Variants in GRM5 observed in about 807,000 individuals in gnomAD.
GRM5 encodes metabotropic glutamate receptor 5.
Under a neutral mutation model 83.1 loss-of-function variants are expected in GRM5, and 19 were observed. That is an observed-to-expected ratio of 0.23 (90% CI 0.16 to 0.34). The LOEUF (loss-of-function observed/expected upper bound fraction) is 0.34. GRM5 is among the 10% of genes least tolerant of loss of function. The pLI is 1.00. For missense variants in GRM5, 1,160 were observed against 1,588.3 expected (o/e 0.73, Z 4.58); for synonymous variants, 675 against 633.6 (o/e 1.07, Z -0.98).
chr11:88,511,736 A>C (rs1255242360), intron 9 of GRM5: 1 of 152,220 alleles, frequency 6.6e-6, no homozygotes, highest in East Asian at 1.9e-4. Flanking sequence ...CGTGTATTAC[A>C]ATTCTTTTTC....
At chr11:89,012,040 G>A (rs1461304580) in intron 2 of GRM5, among the ~76,000 whole-genome samples, 9 of 151,826 alleles carry the variant, frequency 5.9e-5, no homozygotes, top group Admixed American at 1.3e-4. Flanking sequence ...ATAGGCTAAT[G>A]GATACATTTT....
At chr11:89,059,490 G>T (rs977873718) in intron 1 of GRM5, among the ~76,000 whole-genome samples, 1 of 152,100 alleles carries the variant, frequency 6.6e-6, no homozygotes, top group African/African-American at 2.4e-5. Flanking sequence ...TAAGCTGTAG[G>T]TCAGTATCAT....
At chr11:88,959,569 T>C (rs1379000335) in intron 2 of GRM5, among the ~76,000 whole-genome samples, 1 of 152,192 alleles carries the variant, frequency 6.6e-6, no homozygotes, top group Non-Finnish European at 1.5e-5. Context: ...GATAAAAATA[T>C]ACTAATCATC....
chr11:88,730,474 T>A (rs1941782523), intron 3 of GRM5, among the ~76,000 whole-genome samples: 1 of 152,094 alleles, frequency 6.6e-6, no homozygotes, highest in African/African-American at 2.4e-5. Flanking sequence ...TCCTCAAGGA[T>A]CTAGTGCCAG....
chr11:88,974,797 T>A (rs1428514546), intron 2 of GRM5, among the ~76,000 whole-genome samples: 1 of 152,170 alleles, frequency 6.6e-6, no homozygotes, highest in East Asian at 1.9e-4. Flanking sequence ...ATGTCTTCTC[T>A]CTCACCCCAT....
At chr11:88,772,433 C>CTTTATTTATT (rs1565223583) in intron 3 of GRM5, among the ~76,000 whole-genome samples, 2 of 151,022 alleles carry the variant, frequency 1.3e-5, no homozygotes, top group Non-Finnish European at 3.0e-5. Flanking sequence ...CTATCTGGCC[C>CTTTATTTATT]TTTATTTATT....
At chr11:88,679,866 T>G (rs1032958757) in intron 3 of GRM5, among the ~76,000 whole-genome samples, 1 of 152,192 alleles carries the variant, frequency 6.6e-6, no homozygotes, top group Non-Finnish European at 1.5e-5. Context: ...ATTCTATTTA[T>G]GAATACACTT....
chr11:89,035,137 CAG>C (rs1174604548), intron 2 of GRM5, among the ~76,000 whole-genome samples: 3 of 151,414 alleles, frequency 2.0e-5, no homozygotes, highest in African/African-American at 7.3e-5. Context: ...ATAATATAAC[CAG>C]AGAGTATAAT....
At chr11:88,632,643 T>G (rs1939007855) in intron 4 of GRM5, among the ~76,000 whole-genome samples, 1 of 152,236 alleles carries the variant, frequency 6.6e-6, no homozygotes, top group Non-Finnish European at 1.5e-5. Context: ...TTTAGGTTTT[T>G]TGGCGTTTGA....
At chr11:88,842,797 G>T (rs1391954) in intron 3 of GRM5, among the ~76,000 whole-genome samples, 69,000 of 151,842 alleles carry the variant, frequency 0.45, 15,981 homozygotes, top group East Asian at 0.56. Context: ...ATCCTGATGA[G>T]TCTCTCAATT....
At chr11:88,643,737 C>A (rs1466534247) in intron 4 of GRM5, among the ~76,000 whole-genome samples, 1 of 145,650 alleles carries the variant, frequency 6.9e-6, no homozygotes, top group African/African-American at 2.5e-5. Flanking sequence ...TACTCTCTCC[C>A]AAGCAATTCT....
At position 89,038,720 on chromosome 11, in the gene GRM5, A is replaced by C. The variant is rs1941453758; in HGVS notation, c.661+8492T>G. Among the ~76,000 whole-genome samples, 3 of 152,338 alleles carry C rather than the reference A, an allele frequency of 2.0e-5. No individual in the cohort carries two copies. The South Asian group carries it at 6.2e-4, about 32-fold the overall frequency. On this transcript the variant is annotated intron_variant, in intron 2 of 9. Coordinates refer to ENST00000305447, the MANE Select transcript of GRM5 (RefSeq NM_001143831.3). ...AGATACTCTCAGTGGAGAAACAAGT[A>C]GGGTTTTTTGTTTCCCAGGGAAGGA... is the stretch of plus-strand genomic sequence containing the variant.
At chr11:88,856,672 C>T (rs887110482) in intron 2 of GRM5, among the ~76,000 whole-genome samples, 6 of 151,786 alleles carry the variant, frequency 4.0e-5, no homozygotes, top group South Asian at 4.1e-4. Context: ...ATTGTATGTG[C>T]GGTATCTTTG....
At chr11:88,854,643 G>T (rs2850434) in intron 2 of GRM5, among the ~76,000 whole-genome samples, 2 of 151,930 alleles carry the variant, frequency 1.3e-5, no homozygotes, top group Non-Finnish European at 2.9e-5. Context: ...GAAGAGGTCA[G>T]GAAGGGAGTA....
intron 3 of GRM5, among the ~76,000 whole-genome samples, chr11:88,747,039 A>T (rs1178900810): frequency 6.6e-6 from 1 of 152,208 alleles, no homozygotes; most frequent in Non-Finnish European, 1.5e-5. Context: ...TACTGTGAGT[A>T]TAATATTGTC....
At chr11:89,018,221 T>C (rs1940904998) in intron 2 of GRM5, among the ~76,000 whole-genome samples, 1 of 152,140 alleles carries the variant, frequency 6.6e-6, no homozygotes, top group Non-Finnish European at 1.5e-5. Context: ...ACATGTAGTG[T>C]CTATAGGCCA....
intron 2 of GRM5, among the ~76,000 whole-genome samples, chr11:89,028,505 A>G (rs1256002210): frequency 6.6e-6 from 1 of 152,194 alleles, no homozygotes; most frequent in African/African-American, 2.4e-5. Context: ...CTGAGACAGG[A>G]AGATCACTTG....
At chr11:88,817,681 T>A (rs1172971661) in intron 3 of GRM5, among the ~76,000 whole-genome samples, 1 of 152,118 alleles carries the variant, frequency 6.6e-6, no homozygotes, top group Non-Finnish European at 1.5e-5. Context: ...ATAATAACAC[T>A]GAGTTATTTA....
chr11:88,754,121 A>G (rs947834292), intron 3 of GRM5, among the ~76,000 whole-genome samples: 5 of 152,318 alleles, frequency 3.3e-5, no homozygotes, highest in African/African-American at 4.8e-5. Flanking sequence ...GAATAAGATC[A>G]TGTCCTTTTC....
Sources: gnomAD v4.1 joint callset for allele counts (sites outside exome capture counted in the v4.1 genomes callset) on GRCh38, gnomAD v4.1.1 for gene constraint, MANE v1.5 for transcripts, NCBI Gene and HGNC (gene_info 2026-07-23, HGNC 2026-07-21) for gene names.